Variants in MYO5A observed in about 807,000 individuals in gnomAD.
MYO5A encodes the protein unconventional myosin-Va.
MYO5A carries 98 observed loss-of-function variants against 249.7 expected under a neutral mutation model. That is an observed-to-expected ratio of 0.39 (90% CI 0.33 to 0.46). MYO5A has a LOEUF of 0.46. Among genes scored for constraint, MYO5A ranks in the 20% least tolerant of loss-of-function variants. The probability of loss-of-function intolerance (pLI) is 0.98; values close to 1 mark genes in which losing one functional copy is unlikely to be tolerated. For missense variants in MYO5A, 1,696 were observed against 2,308.8 expected, an observed-to-expected ratio of 0.73 and a Z score of 5.44; for synonymous variants, 778 against 810.6, an observed-to-expected ratio of 0.96 and a Z score of 0.68.
At chr15:52,346,767 T>C (rs1401634874) in intron 29 of MYO5A, among the ~76,000 whole-genome samples, 1 of 146,692 alleles carries the variant, frequency 6.8e-6, no homozygotes, top group Non-Finnish European at 1.5e-5. Context: ...TTACATTATG[T>C]GAAAAAAAAT....
At chr15:52,365,098 A>C (rs1473294398) in intron 23 of MYO5A, among the ~76,000 whole-genome samples, 1 of 152,188 alleles carries the variant, frequency 6.6e-6, no homozygotes, top group Non-Finnish European at 1.5e-5. Context: ...CCTCACAGAT[A>C]TTTCTCAAGA....
intron 1 of MYO5A, among the ~76,000 whole-genome samples, chr15:52,460,050 G>C (rs2141407780): frequency 6.6e-6 from 1 of 151,808 alleles, no homozygotes; most frequent in Admixed American, 6.5e-5. Flanking sequence ...TCTCAGACGG[G>C]GCGGCGGGGC....
intron 1 of MYO5A, among the ~76,000 whole-genome samples, chr15:52,482,973 C>G (rs1222893627): frequency 6.6e-6 from 1 of 152,072 alleles, no homozygotes; most frequent in Non-Finnish European, 1.5e-5. Flanking sequence ...CATATGAATA[C>G]AGAGGAAACA....
chr15:52,508,904 G>A (rs1201347631), intron 1 of MYO5A, among the ~76,000 whole-genome samples: 1 of 151,846 alleles, frequency 6.6e-6, no homozygotes, highest in East Asian at 1.9e-4. Context: ...TAAGCCGTAT[G>A]TTATACGTTA....
chr15:52,448,534 A>G (rs2075944283), intron 1 of MYO5A, among the ~76,000 whole-genome samples: 1 of 152,134 alleles, frequency 6.6e-6, no homozygotes, highest in African/African-American at 2.4e-5. Flanking sequence ...ACTATTGGGA[A>G]TTGTATTTTG....
At chr15:52,332,428 T>C (rs942281926) in intron 34 of MYO5A, among the ~76,000 whole-genome samples, 4 of 152,214 alleles carry the variant, frequency 2.6e-5, no homozygotes, top group South Asian at 2.1e-4. Flanking sequence ...ACAATGGATA[T>C]TTTTACTAAG....
At chr15:52,346,591 C>T in intron 29 of MYO5A, 130 bp from the exon 30 acceptor site, 2 of 710,292 alleles carry the variant, frequency 2.8e-6, no homozygotes, top group Non-Finnish European at 5.1e-6. Flanking sequence ...ACCAAAGCAT[C>T]AGCCCCAACC....
intron 30 of MYO5A, among the ~76,000 whole-genome samples, chr15:52,345,330 C>T (rs972318986): frequency 5.9e-5 from 9 of 152,002 alleles, no homozygotes; most frequent in African/African-American, 2.2e-4. Context: ...GCCTGTAATC[C>T]TAGCACGTTG....
chr15:52,504,436 C>A (rs868507252), intron 1 of MYO5A, among the ~76,000 whole-genome samples: 2 of 152,326 alleles, frequency 1.3e-5, no homozygotes, highest in African/African-American at 2.4e-5. Flanking sequence ...ATGTCCAAAG[C>A]ATGACTAGAA....
chr15:52,396,218 A>G lies in MYO5A; in HGVS notation c.1401+98T>C. 5.1e-6 allele frequency: 4 copies of G among 788,056 alleles called. No individual in the cohort carries two copies. The South Asian group carries it at 6.4e-5, about 13-fold the overall frequency. 48.8% of individuals were successfully genotyped at this position (788,056 alleles called of 1,614,324 possible). A position where few individuals can be genotyped will look rare whatever the true frequency, so the allele number is the denominator to read the frequency against. ...TTCTAAGTTCCATATAATAATTTTA[A>G]TTCACAACTTCATTCCAGGGATAAG... On this transcript the variant is annotated intron_variant, in intron 11 of 41. Transcript: ENST00000399233.
intron 40 of MYO5A, among the ~76,000 whole-genome samples, chr15:52,315,667 C>T (rs2037971892): frequency 1.3e-5 from 2 of 151,466 alleles, no homozygotes; most frequent in Non-Finnish European, 2.9e-5. Context: ...AGCCAGCACG[C>T]CTGGCCTACT....
At chr15:52,347,414 A>G (rs1433867828) in intron 29 of MYO5A, among the ~76,000 whole-genome samples, 1 of 152,210 alleles carries the variant, frequency 6.6e-6, no homozygotes, top group Non-Finnish European at 1.5e-5. Context: ...CTAAATGGAA[A>G]CATTTCCACA....
chr15:52,472,791 A>G (rs570056798), intron 1 of MYO5A, among the ~76,000 whole-genome samples: 3 of 152,158 alleles, frequency 2.0e-5, no homozygotes, highest in Non-Finnish European at 4.4e-5. Context: ...CCAGTCTATC[A>G]TTGTTGGACA....
At chr15:52,342,689 C>T (rs573235344) in intron 31 of MYO5A, among the ~76,000 whole-genome samples, 7 of 151,862 alleles carry the variant, frequency 4.6e-5, no homozygotes, top group African/African-American at 9.7e-5. Context: ...CTCAGGTGGG[C>T]GCATCACCTG....
chr15:52,457,681 CATT>C (rs1467541262), intron 1 of MYO5A, among the ~76,000 whole-genome samples: 1 of 152,084 alleles, frequency 6.6e-6, no homozygotes, highest in Non-Finnish European at 1.5e-5. Context: ...TTAGAACAGT[CATT>C]ATGGAAAAGA....
intron 1 of MYO5A, among the ~76,000 whole-genome samples, chr15:52,460,526 A>T (rs2076226069): frequency 6.6e-6 from 1 of 152,202 alleles, no homozygotes; most frequent in Admixed American, 6.5e-5. Context: ...CGCGCCTGCA[A>T]TCCCAGGCAC....
chr15:52,405,218 TC>T, intron 9 of MYO5A, 68 bp downstream of exon 9: 1 of 1,149,672 alleles, frequency 8.7e-7, no homozygotes, highest in Non-Finnish European at 1.3e-6. Flanking sequence ...CTATATTGCT[TC>T]TTTAAACAAT....
chr15:52,528,755 C>G, intron 1 of MYO5A, 25 bp downstream of exon 1: 1 of 1,502,496 alleles, frequency 6.7e-7, no homozygotes, highest in Non-Finnish European at 8.8e-7. Context: ...CCCCAGTCCT[C>G]GACGCCGGCC....
intron 40 of MYO5A, among the ~76,000 whole-genome samples, chr15:52,316,737 T>C (rs2038036983): frequency 6.6e-6 from 1 of 152,234 alleles, no homozygotes; most frequent in South Asian, 2.1e-4. Context: ...GCATAGACTG[T>C]ATACTCCATG....
Sources: gnomAD v4.1 joint callset for allele counts (sites outside exome capture counted in the v4.1 genomes callset) on GRCh38, gnomAD v4.1.1 for gene constraint, MANE v1.5 for transcripts, NCBI Gene and HGNC (gene_info 2026-07-23, HGNC 2026-07-21) for gene names.